ANO10: variants seen among roughly 807,000 people sequenced by gnomAD.
ANO10 encodes the protein anoctamin-10.
In ANO10, 77 loss-of-function variants were observed where a neutral mutation model predicts 74.7. The ratio of observed to expected loss-of-function variants is 1.03; its 90% CI spans 0.86 to 1.25. The LOEUF is 1.25. Ranked by LOEUF, ANO10 falls within the 50% of genes most tolerant of loss-of-function variation. ANO10 has a pLI of 0.00. For synonymous variants in ANO10, 279 were observed against 284.9 expected (o/e 0.98, Z 0.21); for missense variants, 721 against 778.1 (o/e 0.93, Z 0.87).
At chr3:43,632,720 T>C (rs1318610779) in intron 1 of ANO10, among the ~76,000 whole-genome samples, 1 of 152,260 alleles carries the variant, frequency 6.6e-6, no homozygotes, top group African/African-American at 2.4e-5. Context: ...ACACAGTTTC[T>C]ATAATAGACT....
intron 9 of ANO10, among the ~76,000 whole-genome samples, chr3:43,558,454 C>G (rs1280525872): frequency 6.6e-6 from 1 of 152,124 alleles, no homozygotes; most frequent in South Asian, 2.1e-4. Flanking sequence ...GCTGGTGGAA[C>G]AGCAATCAGG....
chr3:43,507,438 A>AACAGTTCTTCAACTGG, intron 11 of ANO10, among the ~76,000 whole-genome samples: 3 of 152,260 alleles, frequency 2.0e-5, no homozygotes, highest in South Asian at 4.1e-4. Context: ...TGGACACTTC[A>AACAGTTCTTCAACTGG]ACATGCAGCT....
At chr3:43,598,508 A>G (rs1405633692) in intron 4 of ANO10, 24 bp downstream of exon 4, 2 of 1,611,386 alleles carry the variant, frequency 1.2e-6, no homozygotes, top group African/African-American at 1.3e-5. Context: ...ATTAAGAAAA[A>G]GACTGGTTGA....
intron 1 of ANO10, among the ~76,000 whole-genome samples, chr3:43,678,321 C>A (rs2084149312): frequency 6.6e-6 from 1 of 152,008 alleles, no homozygotes; most frequent in African/African-American, 2.4e-5. Flanking sequence ...GGGAAGAGAC[C>A]ACCCCTCATA....
At chr3:43,662,642 C>T (rs1031270374) in intron 1 of ANO10, among the ~76,000 whole-genome samples, 15 of 151,498 alleles carry the variant, frequency 9.9e-5, no homozygotes, top group African/African-American at 9.7e-5. Context: ...CAAAATAGAC[C>T]GCTACCAAGA....
rs2091424036 is a variant in ANO10, at chr3:43,366,783, T to C, written c.*123A>G. ...CTTGCCACATGGGAGCCACTTCGTT[T>C]GGCTAAGCATTGGGTCTGGGTTCAG... On this transcript the variant is annotated 3_prime_UTR_variant, in exon 13 of 13. Transcript: ENST00000292246. The C allele has an allele frequency of 5.0e-6, 5 of 1,006,922 alleles. No individual in the cohort carries two copies. The highest frequency in any genetic ancestry group is 7.6e-6 in the Non-Finnish European group (5 of 658,530). 62.4% of individuals were successfully genotyped at this position (1,006,922 alleles called of 1,614,324 possible).
At chr3:43,562,469 A>G (rs1038677282) in intron 8 of ANO10, among the ~76,000 whole-genome samples, 1 of 147,776 alleles carries the variant, frequency 6.8e-6, no homozygotes, top group Non-Finnish European at 1.5e-5. Flanking sequence ...AAAAAAAAAA[A>G]AAGAAGTTTG....
chr3:43,653,858 A>G (rs933466493), intron 1 of ANO10, among the ~76,000 whole-genome samples: 59 of 152,134 alleles, frequency 3.9e-4, no homozygotes, highest in African/African-American at 1.4e-3. Flanking sequence ...TGCTTGAATG[A>G]ATAAGTGGTT....
chr3:43,414,202 C>T (rs1174890104), intron 12 of ANO10, among the ~76,000 whole-genome samples: 2 of 152,134 alleles, frequency 1.3e-5, no homozygotes, highest in African/African-American at 4.8e-5. Context: ...GTTCAGATAA[C>T]ATCAGTTCAA....
At chr3:43,691,212 C>A in intron 1 of ANO10, 2 of 557,410 alleles carry the variant, frequency 3.6e-6, no homozygotes, top group South Asian at 5.2e-5. Context: ...GTCCCGGCGC[C>A]GCTCTGCCTG....
chr3:43,391,725 G>A (rs965972289), intron 12 of ANO10, among the ~76,000 whole-genome samples: 1 of 152,122 alleles, frequency 6.6e-6, no homozygotes, highest in African/African-American at 2.4e-5. Context: ...GTGAGGAACT[G>A]GTATCTTCAG....
At chr3:43,558,844 G>A (rs1402223068) in intron 9 of ANO10, among the ~76,000 whole-genome samples, 4 of 152,140 alleles carry the variant, frequency 2.6e-5, no homozygotes, top group Admixed American at 1.3e-4. Flanking sequence ...CAGTGGAGAC[G>A]GTGAAAAAGA....
intron 1 of ANO10, among the ~76,000 whole-genome samples, chr3:43,647,981 G>C (rs753652381): frequency 6.6e-6 from 1 of 151,978 alleles, no homozygotes; most frequent in Non-Finnish European, 1.5e-5. Flanking sequence ...TTTGGCTGTC[G>C]TGCCCAACTC....
intron 4 of ANO10, among the ~76,000 whole-genome samples, chr3:43,590,269 T>C (rs1449559735): frequency 1.3e-5 from 2 of 152,184 alleles, no homozygotes; most frequent in Non-Finnish European, 2.9e-5. Flanking sequence ...ATACTACATC[T>C]TACTTACAAA....
intron 12 of ANO10, among the ~76,000 whole-genome samples, chr3:43,379,985 T>C (rs1004330136): frequency 6.6e-5 from 10 of 152,014 alleles, no homozygotes; most frequent in Non-Finnish European, 1.2e-4. Context: ...ATAGATAGCA[T>C]AAATAAAAAA....
chr3:43,667,367 G>A lies in ANO10; in HGVS notation c.-12+24150C>T, dbSNP rs374591337. On this transcript the variant is annotated intron_variant, in intron 1 of 3. Transcript: ENST00000413397. ...GCCTCCCAAAGTGCTGGGATTACAC[G>A]CGTGGGCCACTGCACCCAGCCCAAT... Among the ~76,000 whole-genome samples the A allele has an allele frequency of 3.2e-4, 48 of 152,126 alleles. No individual in the cohort carries two copies. In the South Asian group the frequency reaches 3.5e-3, roughly 11 times the overall value.
At chr3:43,605,936 T>G in intron 1 of ANO10, 73 bp from the exon 2 acceptor site, 1 of 1,522,276 alleles carries the variant, frequency 6.6e-7, no homozygotes, top group Non-Finnish European at 9.0e-7. Flanking sequence ...TAGACTTCAT[T>G]TTCTCCCAAT....
At chr3:43,541,806 G>A (rs1375497235) in intron 11 of ANO10, among the ~76,000 whole-genome samples, 2 of 152,190 alleles carry the variant, frequency 1.3e-5, no homozygotes, top group South Asian at 2.1e-4. Context: ...ATGGAGCCAC[G>A]TGATTGTCAT....
chr3:43,663,682 C>A (rs1218299291), intron 1 of ANO10, among the ~76,000 whole-genome samples: 4 of 152,190 alleles, frequency 2.6e-5, no homozygotes, highest in Non-Finnish European at 4.4e-5. Flanking sequence ...TGATAAGCAA[C>A]TTCAGCAGTA....
Sources: allele counts gnomAD v4.1 joint callset (sites outside exome capture counted in the v4.1 genomes callset), GRCh38; gene constraint gnomAD v4.1.1; transcripts MANE v1.5; gene names NCBI Gene and HGNC (gene_info 2026-07-23, HGNC 2026-07-21).